MINK1: variants seen among roughly 807,000 people sequenced by gnomAD.
MINK1 encodes the protein misshapen-like kinase 1.
Under a neutral mutation model 178.4 loss-of-function variants are expected in MINK1, and 46 were observed. The ratio of observed to expected loss-of-function variants is 0.26; its 90% confidence interval spans 0.20 to 0.33. The LOEUF is 0.33. Ranked by LOEUF, MINK1 falls within the 10% of genes least tolerant of loss-of-function variation. The pLI is 1.00. For missense variants in MINK1, 1,366 were observed against 1,814.9 expected, an observed-to-expected ratio of 0.75 and a Z score of 4.49; for synonymous variants, 797 against 709.7, an observed-to-expected ratio of 1.12 and a Z score of -1.96.
At position 4,896,159 on chromosome 17, in the gene MINK1, C is replaced by G; in HGVS notation, c.3466-34C>G. ...TGGAGTCCCAGCGCCTCTCCCCGTGCCCCTGAGCCCTCCTCTCCTCCGGTT... is the reference window on the plus strand; with the variant it reads ...TGGAGTCCCAGCGCCTCTCCCCGTGGCCCTGAGCCCTCCTCTCCTCCGGTT... On this transcript the variant is annotated intron_variant, in intron 28 of 31. Coordinates refer to ENST00000355280, the MANE Select transcript of MINK1 (RefSeq NM_153827.5). This position sits in a 1 kb window ranked among gnomAD's most constrained non-coding sequence, Gnocchi z 4.6. 6.2e-7 allele frequency: 1 copy of G among 1,602,536 alleles called. No homozygotes were observed. Among genetic ancestry groups the G allele is most frequent in the Non-Finnish European group, 8.5e-7 (1 of 1,173,898 alleles).
rs991100880 is a variant in MINK1 at position 4,833,680 on chromosome 17, C to T, written c.57+40C>T. 3.4e-6 allele frequency: 5 copies of T among 1,453,654 alleles called. No homozygotes were observed. In the African/African-American group the frequency reaches 5.9e-5, roughly 17 times the overall value. The allele number at this position is 1,453,654 out of a possible 1,614,324, so 90.0% of individuals were successfully genotyped here. A position where few individuals can be genotyped will look rare whatever the true frequency, so the allele number is the denominator to read the frequency against. On this transcript the variant is annotated intron_variant, in intron 1 of 31. Coordinates refer to ENST00000355280, the MANE Select transcript of MINK1 (RefSeq NM_153827.5). This position sits in a 1 kb window ranked among gnomAD's most constrained non-coding sequence, Gnocchi z 4.8. Reference sequence around the variant, plus strand: ...CCCCAGCCTCGCCCTGGTTCCTGTCCCCGCCGCAGGGGAGGGAGCGGGGTG... The same window carrying T: ...CCCCAGCCTCGCCCTGGTTCCTGTCTCCGCCGCAGGGGAGGGAGCGGGGTG...
chr17:4,897,109 C>G, intron 31 of MINK1, 95 bp from the exon 32 acceptor site: 4 of 1,107,192 alleles, frequency 3.6e-6, no homozygotes, highest in Non-Finnish European at 5.3e-6. Context: ...TCTCCCTCAA[C>G]TCTTCTGCCA....
In MINK1 at chr17:4,894,751, C is replaced by T; in HGVS notation, c.2917+118C>T. On this transcript the variant is annotated intron_variant, in intron 24 of 31. Transcript: ENST00000355280. The surrounding 1 kb of genome is among the most constrained non-coding windows in gnomAD (Gnocchi z 4.1). The stretch of plus-strand genomic sequence containing the variant: ...ATAGCCACAGGACCTCTCCCTTGGG[C>T]CCTAGCACCTGCCTGGGCACAGAGG... The T allele has an allele frequency of 1.3e-6, 1 of 794,292 alleles. No homozygotes were observed. The highest frequency in any genetic ancestry group is 2.1e-6 in the Non-Finnish European group (1 of 482,180). 49.2% of individuals were successfully genotyped at this position (794,292 alleles called of 1,614,324 possible).
At position 4,885,032 on chromosome 17, in the gene MINK1, G is replaced by A; in HGVS notation, c.508+30G>A. 1.2e-6 allele frequency: 2 copies of A among 1,607,890 alleles called. No homozygotes were observed. Among genetic ancestry groups the A allele is most frequent in the Non-Finnish European group, 8.5e-7 (1 of 1,175,070 alleles). Reference sequence around the variant, plus strand: ...GCCGGCTCCTTCTGAGGCTGACGAGGACCTTTCACCTCCAGAACAGAGAAT... The same window carrying A: ...GCCGGCTCCTTCTGAGGCTGACGAGAACCTTTCACCTCCAGAACAGAGAAT... On this transcript the variant is annotated intron_variant, in intron 6 of 31. Transcript: ENST00000355280. The surrounding 1 kb of genome is among the most constrained non-coding windows in gnomAD (Gnocchi z 5.0).
In MINK1 at chr17:4,891,683, C is replaced by G; in HGVS notation, c.1968C>G (p.Ala656=). Residue 656 remains alanine (A), a synonymous_variant, in exon 16 of 32, where the codon GCC becomes GCG. Transcript: ENST00000355280. Reference sequence around the variant, plus strand: ...CTGGCCCCAGCCCGAATCCCCCAGCCTGGGTCCGCCCAGATAACGAGGCCC... The same window carrying G: ...CTGGCCCCAGCCCGAATCCCCCAGCGTGGGTCCGCCCAGATAACGAGGCCC... ...EGPGPSPNPP[A]WVRPDNEAPP... is the part of the protein sequence containing the mutation. 6.2e-7 allele frequency: 1 copy of G among 1,602,598 alleles called. No homozygotes were observed. The highest frequency in any genetic ancestry group is 8.5e-7 in the Non-Finnish European group (1 of 1,175,248).
At chr17:4,878,203 C>T (rs1261764466) in intron 1 of MINK1, 114 bp from the exon 2 acceptor site, 2 of 892,656 alleles carry the variant, frequency 2.2e-6, no homozygotes, top group Admixed American at 2.2e-5. Context: ...ACGTGCCCTC[C>T]TGATATGCTG....
rs113414547 is a variant in MINK1, at chr17:4,840,963, T to C, written c.57+7323T>C. On this transcript the variant is annotated intron_variant, in intron 1 of 31. Coordinates refer to ENST00000355280, the MANE Select transcript of MINK1 (RefSeq NM_153827.5). The stretch of plus-strand genomic sequence containing the variant: ...GCCTGGGTGGCTGGAGAGAGATGAA[T>C]GGAGGAAATGGGGACGAGCTGCCTA... Among the ~76,000 whole-genome samples, 478 of 151,772 alleles carry C rather than the reference T, an allele frequency of 3.1e-3. 5 individuals are homozygous for C. Among genetic ancestry groups the C allele is most frequent in the Non-Finnish European group, 4.9e-3 (334 of 67,878 alleles).
chr17:4,854,754 T>TA, intron 1 of MINK1: 1 of 493,768 alleles, frequency 2.0e-6, no homozygotes, highest in Non-Finnish European at 4.0e-6. Context: ...AAAACACAGG[T>TA]AGCCATCGAT....
Position 4,895,402 on chromosome 17 carries a change from TG to T in MINK1, c.3141del (p.Gln1048ArgfsTer75). The T allele has an allele frequency of 6.2e-7, 1 of 1,610,738 alleles. No individual in the cohort carries two copies. The highest frequency in any genetic ancestry group is 8.5e-7 in the Non-Finnish European group (1 of 1,177,940). On this transcript the variant is annotated frameshift_variant, in exon 26 of 32. Coordinates refer to ENST00000355280, the MANE Select transcript of MINK1 (RefSeq NM_153827.5). LOFTEE classifies it high-confidence loss of function. The surrounding 1 kb of genome is among the most constrained non-coding windows in gnomAD (Gnocchi z 4.3). The part of the protein sequence containing the change: ...ENGLMLLDRS[G>X]QGKVYGLIGR... ...ACGGGCTGATGTTGCTGGACCGAAG[TG>T]GGCAGGGCAAGGTGTATGGACTCAT...
intron 1 of MINK1, among the ~76,000 whole-genome samples, chr17:4,856,325 G>A (rs573197396): frequency 5.2e-4 from 79 of 152,260 alleles, no homozygotes; most frequent in African/African-American, 1.7e-3. Context: ...GCTGTGTCCA[G>A]TATCTCTGCT....
intron 2 of MINK1, 70 bp from the exon 3 acceptor site, chr17:4,880,914 T>A (rs1399052070): frequency 1.1e-5 from 15 of 1,389,004 alleles, no homozygotes; most frequent in Non-Finnish European, 1.3e-5. Context: ...AAAAAAGCTG[T>A]GTCTCCTAGA....
chr17:4,881,385 C>T (rs1967687585), intron 4 of MINK1, 128 bp downstream of exon 4: 1 of 1,096,216 alleles, frequency 9.1e-7, no homozygotes, highest in East Asian at 2.6e-5. Flanking sequence ...ACCCAGCCTC[C>T]CCTGTCCCTG....
chr17:4,834,910 TGAA>T (rs1909072514), intron 1 of MINK1: 5 of 517,744 alleles, frequency 9.7e-6, no homozygotes, highest in South Asian at 7.0e-5. Flanking sequence ...AGAGGGGAAT[TGAA>T]GAGAGCAGAG....
At position 4,890,617 on chromosome 17, in the gene MINK1, A is replaced by C; in HGVS notation, c.1448A>C (p.Gln483Pro). Residue 483 changes from glutamine to proline, a missense_variant, in exon 14 of 32, where the codon CAA becomes CCA. Transcript: ENST00000355280. Reference sequence around the variant, plus strand: ...TACCTCAAGTCCCTGCAGCAGCAGCAACAGCAGCAGCAGCTTCAGAAACAG... The same window carrying C: ...TACCTCAAGTCCCTGCAGCAGCAGCCACAGCAGCAGCAGCTTCAGAAACAG... ...HAYLKSLQQQ[Q>P]QQQQLQKQQQ... 1 of 1,559,244 alleles carries C rather than the reference A, an allele frequency of 6.4e-7. No homozygotes were observed. Among genetic ancestry groups the C allele is most frequent in the Non-Finnish European group, 8.7e-7 (1 of 1,152,140 alleles).
chr17:4,882,831 A>T (rs1202118226), intron 4 of MINK1: 2 of 152,170 alleles, frequency 1.3e-5, no homozygotes, highest in African/African-American at 4.8e-5. Context: ...TTAAAAATGT[A>T]AAACCCAGGC....
In MINK1 at chr17:4,895,418, T is replaced by A; in HGVS notation, c.3154T>A (p.Tyr1052Asn). The change falls in exon 26 of 32, where the codon TAT becomes AAT. Residue 1052 changes from tyrosine (Y) to asparagine (N), a missense_variant. Physicochemically the swap from Tyr to Asn is moderately radical, Grantham distance 143. This residue lies in a region of MINK1 where 77 missense variants were observed against 119.5 expected (regional missense o/e 0.64). Transcript: ENST00000355280. The surrounding 1 kb of genome is among the most constrained non-coding windows in gnomAD (Gnocchi z 4.3). Reference protein sequence around the residue: ...LLDRSGQGKVYGLIGRRRFQQ... With the variant: ...LLDRSGQGKVNGLIGRRRFQQ... ...GGACCGAAGTGGGCAGGGCAAGGTGTATGGACTCATTGGGCGGCGACGCTT... is the reference window on the plus strand; with the variant it reads ...GGACCGAAGTGGGCAGGGCAAGGTGAATGGACTCATTGGGCGGCGACGCTT... The A allele has an allele frequency of 6.2e-7, 1 of 1,610,434 alleles. No homozygotes were observed. Among genetic ancestry groups the A allele is most frequent in the Non-Finnish European group, 8.5e-7 (1 of 1,177,928 alleles).
At position 4,833,505 on chromosome 17, in the gene MINK1, G is replaced by A. The variant is rs1048497293; in HGVS notation, c.-79G>A. Reference sequence around the variant, plus strand: ...GTCCGCCCCCGGGGTTCTCCGATGGGGGAGAAGCGGCGACGGCGGCAGTGG... The same window carrying A: ...GTCCGCCCCCGGGGTTCTCCGATGGAGGAGAAGCGGCGACGGCGGCAGTGG... On this transcript the variant is annotated 5_prime_UTR_variant, in exon 1 of 32. Transcript: ENST00000355280. This position sits in a 1 kb window ranked among gnomAD's most constrained non-coding sequence, Gnocchi z 4.8. 2 of 1,257,344 alleles carry A rather than the reference G, an allele frequency of 1.6e-6. No individual in the cohort carries two copies. Among genetic ancestry groups the A allele is most frequent in the Non-Finnish European group, 1.1e-6 (1 of 919,250 alleles). 77.9% of individuals were successfully genotyped at this position (1,257,344 alleles called of 1,614,324 possible).
At chr17:4,882,250 C>A (rs961468858) in intron 4 of MINK1, among the ~76,000 whole-genome samples, 12 of 152,254 alleles carry the variant, frequency 7.9e-5, no homozygotes, top group Non-Finnish European at 7.3e-5. Context: ...ATGCAAATTA[C>A]TTTTATTGCA....
chr17:4,893,172 G>A, intron 20 of MINK1, 105 bp downstream of exon 20: 1 of 1,520,204 alleles, frequency 6.6e-7, no homozygotes, highest in Non-Finnish European at 9.0e-7. Flanking sequence ...ACCGAGAAGG[G>A]CTGTGGGGAT....
Sources: gnomAD v4.1 joint callset for allele counts (sites outside exome capture counted in the v4.1 genomes callset) on GRCh38, gnomAD v4.1.1 for gene constraint, gnomAD v4.1.1 regional missense constraint, Gnocchi (gnomAD v3.1) non-coding constraint, MANE v1.5 for transcripts, NCBI Gene and HGNC (gene_info 2026-07-23, HGNC 2026-07-21) for gene names.